The following FLG variants were observed in gnomAD, a reference collection of about 807,000 sequenced individuals.
FLG encodes filaggrin.
In FLG, 6 loss-of-function variants were observed where a neutral mutation model predicts 3.8. The observed-to-expected ratio is 1.60, with a 90% CI of 0.87 to 3.15. The LOEUF is 3.15. Among genes scored for constraint, FLG ranks in the 30% most tolerant of loss-of-function variants. The probability of loss-of-function intolerance (pLI) is 0.00; values close to 1 mark genes in which losing one functional copy is unlikely to be tolerated. For missense variants in FLG, 7,595 were observed against 5,050.9 expected (o/e 1.50, Z -15.27); for synonymous variants, 2,551 against 1,931.6 (o/e 1.32, Z -8.41).
Position 152,310,901 on chromosome 1 carries a change from A to C in FLG, c.3985T>G (p.Ser1329Ala). ...GAAGACTCTGTGTGATGAGTGCCTGATTGTCTGGAGCTGTCTGCAGAGTGC... is the reference window on the plus strand; with the variant it reads ...GAAGACTCTGTGTGATGAGTGCCTGCTTGTCTGGAGCTGTCTGCAGAGTGC... The part of the protein sequence containing the change: ...HGHSADSSRQ[S>A]GTHHTESSSH... Residue 1329 changes from serine (S) to alanine (A), a missense_variant, in exon 3 of 3, where the codon TCA (serine) becomes GCA (alanine). Transcript: ENST00000368799. The C allele has an allele frequency of 6.2e-7, 1 of 1,613,876 alleles. No homozygotes were observed. Among genetic ancestry groups the C allele is most frequent in the Non-Finnish European group, 8.5e-7 (1 of 1,179,970 alleles).
chr1:152,305,072 T>C lies in FLG; in HGVS notation c.9814A>G (p.Arg3272Gly), dbSNP rs1651865427. 1.2e-6 allele frequency: 2 copies of C among 1,613,838 alleles called. No individual in the cohort carries two copies. The highest frequency in any genetic ancestry group is 1.7e-6 in the Non-Finnish European group (2 of 1,179,970). ...AGHGHSADRS[R>G]QSGTRHAETS... ...TCTGCGTGACGAGTGCCTGATTGTC[T>C]GGAGCGGTCTGCAGAGTGCCCGTGA... The change falls in exon 3 of 3, where the codon AGA (arginine) becomes GGA (glycine). Residue 3272 changes from arginine to glycine, a missense_variant. Physicochemically the swap from Arg to Gly is moderately radical, Grantham distance 125. Transcript: ENST00000368799.
intron 1 of FLG, among the ~76,000 whole-genome samples, chr1:152,315,845 A>G (rs1652770515): frequency 6.6e-6 from 1 of 152,204 alleles, no homozygotes; most frequent in Admixed American, 6.5e-5. Flanking sequence ...AATTTACTGA[A>G]AATTACTTCC....
rs1186615418 is a variant in FLG, at chr1:152,303,765, T to C, written c.11121A>G (p.Ser3707=). 6.2e-7 allele frequency: 1 copy of C among 1,613,894 alleles called. No individual in the cohort carries two copies. The highest frequency in any genetic ancestry group is 8.5e-7 in the Non-Finnish European group (1 of 1,179,918). The part of the protein sequence containing the change: ...RGRSAGRSGR[S]GSFLYQVSTH... ...TGCTCACCTGGTAGAGGAAAGACCC[T>C]GAACGTCCAGACCTTCCTGCTGACC... is the stretch of plus-strand genomic sequence containing the variant. Residue 3707 remains serine, a synonymous_variant, in exon 3 of 3, where the codon TCA becomes TCG. Transcript: ENST00000368799.
In FLG at chr1:152,311,705, T is replaced by G. The variant is rs2101648778; in HGVS notation, c.3181A>C (p.Ser1061Arg). The G allele has an allele frequency of 6.2e-7, 1 of 1,614,132 alleles. No individual in the cohort carries two copies. The highest frequency in any genetic ancestry group is 8.5e-7 in the Non-Finnish European group (1 of 1,180,020). Reference protein sequence around the residue: ...RRQASSAVRDSGHWGSSGSQA... With the variant: ...RRQASSAVRDRGHWGSSGSQA... ...CTACCACTGGACCCCCAGTGTCCAC[T>G]GTCTCTGACTGCAGATGAAGCTTGT... Residue 1061 changes from serine to arginine, a missense_variant, in exon 3 of 3, where the codon AGT becomes CGT. Ser to Arg is a moderately radical substitution (Grantham distance 110). Transcript: ENST00000368799.
chr1:152,324,255 T>A (rs1653074779), intron 1 of FLG, among the ~76,000 whole-genome samples: 1 of 151,854 alleles, frequency 6.6e-6, no homozygotes, highest in South Asian at 2.1e-4. Flanking sequence ...ATCTTACTCC[T>A]CCTGCTTAAT....
Position 152,307,250 on chromosome 1 carries a change from G to T in FLG, c.7636C>A (p.His2546Asn). Residue 2546 changes from histidine to asparagine, a missense_variant, in exon 3 of 3, where the codon CAC becomes AAC. Coordinates refer to ENST00000368799, the MANE Select transcript of FLG (RefSeq NM_002016.2). ...GATTGTCCCTGGCCCACCTGCGAGTGTCCAGAGCTGTCGGCCCGAGAGGAA... is the reference window on the plus strand; with the variant it reads ...GATTGTCCCTGGCCCACCTGCGAGTTTCCAGAGCTGTCGGCCCGAGAGGAA... ...EASSRADSSG[H>N]SQVGQGQSEG... 4 of 1,612,988 alleles carry T rather than the reference G, an allele frequency of 2.5e-6. No homozygotes were observed. In the South Asian group the frequency reaches 3.3e-5, roughly 13 times the overall value.
chr1:152,323,422 A>G (rs538590877), intron 1 of FLG, among the ~76,000 whole-genome samples: 1 of 151,940 alleles, frequency 6.6e-6, no homozygotes, highest in Admixed American at 6.6e-5. Flanking sequence ...TGTCCTGAAT[A>G]TAAAAATAGC....
rs141172870 is a variant in FLG at position 152,306,230 on chromosome 1, G to C, written c.8656C>G (p.Arg2886Gly). Residue 2886 changes from arginine (R) to glycine (G), a missense_variant, in exon 3 of 3, where the codon CGC becomes GGC. By Grantham distance (125) the Arg-to-Gly change is moderately radical. Coordinates refer to ENST00000368799, the MANE Select transcript of FLG (RefSeq NM_002016.2). ...GQSEGSRRSRRQGSSVSQDSD... is the reference protein window; with the variant it reads ...GQSEGSRRSRGQGSSVSQDSD... ...TCCTGGCTCACACTGGATCCCTGGCGCCTGCTTCTCCTGGACCCCTCTGAT... is the reference window on the plus strand; with the variant it reads ...TCCTGGCTCACACTGGATCCCTGGCCCCTGCTTCTCCTGGACCCCTCTGAT... The C allele has an allele frequency of 1.2e-6, 2 of 1,604,474 alleles. No homozygotes were observed. Among genetic ancestry groups the C allele is most frequent in the Non-Finnish European group, 1.7e-6 (2 of 1,179,866 alleles).
chr1:152,306,288 G>T lies in FLG; in HGVS notation c.8598C>A (p.Asp2866Glu), dbSNP rs764879458. Reference protein sequence around the residue: ...SRHHEASTHADISRHSQAVQG... With the variant: ...SRHHEASTHAEISRHSQAVQG... ...GGACTGCCTGTGAGTGTCTAGAGAT[G>T]TCGGCATGAGTGGAAGCTTCATGGT... is the stretch of plus-strand genomic sequence containing the variant. Residue 2866 changes from aspartate (D) to glutamate (E), a missense_variant, in exon 3 of 3, where the codon GAC (aspartate) becomes GAA (glutamate). Asp to Glu is a conservative substitution (Grantham distance 45). Transcript: ENST00000368799. 6.9e-6 allele frequency: 11 copies of T among 1,604,390 alleles called. No homozygotes were observed. In the South Asian group the frequency reaches 7.7e-5, roughly 11 times the overall value.
In FLG at chr1:152,309,348, G is replaced by A; in HGVS notation, c.5538C>T (p.Thr1846=). The change falls in exon 3 of 3, where the codon ACC becomes ACT. Residue 1846 remains threonine, a synonymous_variant. Transcript: ENST00000368799. ...AGACATCAGACCTTTCCTGGGACGTGGTGTGGCTGTGATGAGACCCTGAGT... is the reference window on the plus strand; with the variant it reads ...AGACATCAGACCTTTCCTGGGACGTAGTGTGGCTGTGATGAGACCCTGAGT... ...SGHSGSHHSH[T]TSQERSDVSR... 1.9e-6 allele frequency: 3 copies of A among 1,613,824 alleles called. No individual in the cohort carries two copies. Among genetic ancestry groups the A allele is most frequent in the Non-Finnish European group, 2.5e-6 (3 of 1,179,946 alleles).
chr1:152,317,316 C>T (rs1319110095), intron 1 of FLG, among the ~76,000 whole-genome samples: 1 of 152,010 alleles, frequency 6.6e-6, no homozygotes, highest in Non-Finnish European at 1.5e-5. Context: ...TAGCAAAATT[C>T]CTCAAAAGAT....
chr1:152,311,509 T>G lies in FLG; in HGVS notation c.3377A>C (p.Gln1126Pro), dbSNP rs1471803636. 3 of 1,613,958 alleles carry G rather than the reference T, an allele frequency of 1.9e-6. No homozygotes were observed. In the South Asian group the frequency reaches 3.3e-5, roughly 18 times the overall value. The change falls in exon 3 of 3, where the codon CAG (glutamine) becomes CCG (proline). Residue 1126 changes from glutamine to proline, a missense_variant. Transcript: ENST00000368799. ...GGTCCGCCCATGGGCAGACTCAGAC[T>G]GTTCATGAGTGCTCACCTGGTAGAT... is the stretch of plus-strand genomic sequence containing the variant. The part of the protein sequence containing the change: ...SFIYQVSTHE[Q>P]SESAHGRTRT...
Position 152,309,319 on chromosome 1 carries a change from CG to C in FLG, c.5566del (p.Arg1856ValfsTer239). The C allele has an allele frequency of 1.2e-6, 2 of 1,613,768 alleles. No individual in the cohort carries two copies. Among genetic ancestry groups the C allele is most frequent in the East Asian group, 2.2e-5 (1 of 44,804 alleles). On this transcript the variant is annotated frameshift_variant, in exon 3 of 3. Coordinates refer to ENST00000368799, the MANE Select transcript of FLG (RefSeq NM_002016.2). LOFTEE classifies it low-confidence loss of function (END_TRUNC). ...TTSQERSDVS[R>X]GQSGSRSVSR... is the part of the protein sequence containing the mutation. Reference sequence around the variant, plus strand: ...GACACTTCTGGATCCTGACTGCCCACGGGAGACATCAGACCTTTCCTGGGAC... The same window carrying C: ...GACACTTCTGGATCCTGACTGCCCACGGAGACATCAGACCTTTCCTGGGAC...
At position 152,303,216 on chromosome 1, in the gene FLG, A is replaced by C; in HGVS notation, c.11670T>G (p.Ser3890=). ...SESASRNHHG[S]SREQSRDGSR... ...AGCCATCTCTTGACTGCTCCCGAGA[A>C]GATCCATGATGGTTTCTGGAAGCAG... Residue 3890 remains serine, a synonymous_variant, in exon 3 of 3, where the codon TCT becomes TCG. Transcript: ENST00000368799. 1 of 1,614,106 alleles carries C rather than the reference A, an allele frequency of 6.2e-7. No homozygotes were observed. Among genetic ancestry groups the C allele is most frequent in the Non-Finnish European group, 8.5e-7 (1 of 1,180,028 alleles).
rs745787051 is a variant in FLG at position 152,303,283 on chromosome 1, T to C, written c.11603A>G (p.Asp3868Gly). The C allele has an allele frequency of 1.9e-6, 3 of 1,614,066 alleles. No homozygotes were observed. Among genetic ancestry groups the C allele is most frequent in the South Asian group, 2.2e-5 (2 of 91,062 alleles). The part of the protein sequence containing the change: ...RQGSSVSQDS[D>G]SEAYPEDSER... The stretch of plus-strand genomic sequence containing the variant: ...AGAGTCCTCTGGGTATGCCTCACTG[T>C]CACTGTCCTGGCTAACACTGGATCC... Residue 3868 changes from aspartate (D) to glycine (G), a missense_variant, in exon 3 of 3, where the codon GAC becomes GGC. Physicochemically the swap from Asp to Gly is moderately conservative, Grantham distance 94 (BLOSUM62 -1). Coordinates refer to ENST00000368799, the MANE Select transcript of FLG (RefSeq NM_002016.2).
At position 152,313,058 on chromosome 1, in the gene FLG, C is replaced by T. The variant is rs74129463; in HGVS notation, c.1828G>A (p.Gly610Arg). 3,853 of 1,613,936 alleles carry T rather than the reference C, an allele frequency of 2.4e-3. 71 individuals are homozygous for T. In the African/African-American group the frequency reaches 0.04, roughly 17 times the overall value. ...CCCTGGTTCCTACTTGTCCTGGGCC[C>T]CGATGATTGTCCCTGGCCCACCTGT... ...HSQVGQGQSS[G>R]PRTSRNQGSS... Residue 610 changes from glycine (G) to arginine (R), a missense_variant, in exon 3 of 3, where the codon GGG (glycine) becomes AGG (arginine). Physicochemically the swap from Gly to Arg is moderately radical, Grantham distance 125 (BLOSUM62 -2). Coordinates refer to ENST00000368799, the MANE Select transcript of FLG (RefSeq NM_002016.2).
chr1:152,305,165 C>A lies in FLG; in HGVS notation c.9721G>T (p.Gly3241Ter), dbSNP rs202019721. The change falls in exon 3 of 3, where the codon GGA (glycine) becomes TGA (stop). Residue 3241 changes from glycine (G) to a stop codon, truncating the protein, a stop_gained. Coordinates refer to ENST00000368799, the MANE Select transcript of FLG (RefSeq NM_002016.2). LOFTEE classifies it low-confidence loss of function (END_TRUNC). ...TGCCTTGACTGCTCCTGAACAGATCCACGATGGTTTCTGGAAGCAGACCCA... is the reference window on the plus strand; with the variant it reads ...TGCCTTGACTGCTCCTGAACAGATCAACGATGGTTTCTGGAAGCAGACCCA... ...WSGSASRNHR[G>*]SVQEQSRHGS... The A allele has an allele frequency of 1.4e-5, 23 of 1,613,720 alleles. No individual in the cohort carries two copies. Among genetic ancestry groups the A allele is most frequent in the South Asian group, 6.6e-5 (6 of 91,018 alleles).
intron 1 of FLG, among the ~76,000 whole-genome samples, chr1:152,318,907 G>A (rs757500199): frequency 6.6e-6 from 1 of 151,772 alleles, no homozygotes; most frequent in Non-Finnish European, 1.5e-5. Context: ...CAGAATATTT[G>A]GGGGTACTTT....
In FLG at chr1:152,311,883, G is replaced by A; in HGVS notation, c.3003C>T (p.Ser1001=). Residue 1001 remains serine, a synonymous_variant, in exon 3 of 3, where the codon AGC becomes AGT. Transcript: ENST00000368799. ...DRAGHGHSAD[S]SRQSGTPHAE... is the part of the protein sequence containing the mutation. ...CGTGAGGAGTTCCTGATTGTCTGGA[G>A]CTGTCTGCAGAGTGCCCGTGACCGG... is the stretch of plus-strand genomic sequence containing the variant. 1 of 1,614,186 alleles carries A rather than the reference G, an allele frequency of 6.2e-7. No individual in the cohort carries two copies. Among genetic ancestry groups the A allele is most frequent in the Non-Finnish European group, 8.5e-7 (1 of 1,180,022 alleles).
Sources: gnomAD v4.1 joint callset for allele counts (sites outside exome capture counted in the v4.1 genomes callset) on GRCh38, gnomAD v4.1.1 for gene constraint, MANE v1.5 for transcripts, NCBI Gene and HGNC (gene_info 2026-07-23, HGNC 2026-07-21) for gene names.